AUTS2: variants seen among roughly 807,000 people sequenced by gnomAD.
AUTS2 encodes the protein autism susceptibility gene 2 protein.
AUTS2 carries 17 observed loss-of-function variants against 112.4 expected under a neutral mutation model. The observed-to-expected ratio is 0.15, with a 90% confidence interval of 0.10 to 0.23. The LOEUF (loss-of-function observed/expected upper bound fraction) is 0.23, where lower values mean the gene tolerates loss of function less well. Ranked by LOEUF, AUTS2 falls within the 10% of genes least tolerant of loss-of-function variation. The probability of loss-of-function intolerance (pLI) is 1.00; values close to 1 mark genes in which losing one functional copy is unlikely to be tolerated. For synonymous variants in AUTS2, 751 were observed against 702.7 expected, an observed-to-expected ratio of 1.07 and a Z score of -1.09; for missense variants, 1,510 against 1,701.6, an observed-to-expected ratio of 0.89 and a Z score of 1.98.
At chr7:70,103,423 G>C (rs929296460) in intron 2 of AUTS2, among the ~76,000 whole-genome samples, 1 of 151,944 alleles carries the variant, frequency 6.6e-6, no homozygotes, top group Non-Finnish European at 1.5e-5. Context: ...CTCAAGGGCA[G>C]TAAATAGAAT....
At chr7:69,980,832 T>G (rs6975213) in intron 2 of AUTS2, among the ~76,000 whole-genome samples, 12,971 of 152,226 alleles carry the variant, frequency 0.085, 645 homozygotes, top group East Asian at 0.13. Flanking sequence ...CCCAGGAGTT[T>G]ACAATGTGCA....
At chr7:70,259,013 A>G (rs1209180050) in intron 4 of AUTS2, among the ~76,000 whole-genome samples, 3 of 152,158 alleles carry the variant, frequency 2.0e-5, no homozygotes, top group Non-Finnish European at 2.9e-5. Context: ...CTCATGAATT[A>G]TGTGGTGCCC....
intron 1 of AUTS2, among the ~76,000 whole-genome samples, chr7:69,836,293 G>C (rs1253705359): frequency 6.6e-6 from 1 of 152,162 alleles, no homozygotes; most frequent in Non-Finnish European, 1.5e-5. Context: ...TGTCAAATAG[G>C]AATTGCCCTC....
At chr7:69,673,973 T>G (rs1796447736) in intron 1 of AUTS2, among the ~76,000 whole-genome samples, 1 of 152,262 alleles carries the variant, frequency 6.6e-6, no homozygotes, top group South Asian at 2.1e-4. Flanking sequence ...TTTCTAAATA[T>G]GTAATCTTTT....
At chr7:69,961,221 A>G (rs149937515) in intron 2 of AUTS2, among the ~76,000 whole-genome samples, 1,642 of 152,254 alleles carry the variant, frequency 0.011, 12 homozygotes, top group Admixed American at 0.017. Context: ...GGTAAGGATC[A>G]GATCTGTTGG....
intron 16 of AUTS2, chr7:70,785,579 A>G (rs1791395211): frequency 4.7e-5 from 21 of 447,538 alleles, no homozygotes; most frequent in South Asian, 3.5e-4. Flanking sequence ...GCACGCCCTC[A>G]GAGTTTCATC....
rs1583991861 is a variant in AUTS2, at chr7:69,641,433, A to C, written c.309+41471A>C. ...TGCTTACACCTGTGTCATAGGCCTTATCATAATCTGCTTTGTATGTGAATT... is the reference window on the plus strand; with the variant it reads ...TGCTTACACCTGTGTCATAGGCCTTCTCATAATCTGCTTTGTATGTGAATT... On this transcript the variant is annotated intron_variant, in intron 1 of 18. Transcript: ENST00000342771. 2.7e-5 allele frequency among the ~76,000 whole-genome samples: 4 copies of C among 150,414 alleles called. No homozygotes were observed. The South Asian group carries it at 8.3e-4, about 31-fold the overall frequency.
chr7:69,716,954 T>C (rs994805727), intron 1 of AUTS2, among the ~76,000 whole-genome samples: 22 of 152,182 alleles, frequency 1.4e-4, no homozygotes, highest in Non-Finnish European at 4.4e-5. Context: ...CTTCTATGCC[T>C]TCCGTGGACT....
At chr7:70,047,242 TA>T (rs1252073451) in intron 2 of AUTS2, among the ~76,000 whole-genome samples, 2 of 152,230 alleles carry the variant, frequency 1.3e-5, no homozygotes, top group Non-Finnish European at 2.9e-5. Context: ...TTTATAATTT[TA>T]ATTGCAGGAC....
At chr7:70,503,437 G>A (rs1798842258) in intron 5 of AUTS2, among the ~76,000 whole-genome samples, 1 of 151,122 alleles carries the variant, frequency 6.6e-6, no homozygotes, top group South Asian at 2.1e-4. Flanking sequence ...CCAGTGGTTT[G>A]TACCTGTAAT....
At chr7:70,260,993 C>T (rs528637506) in intron 4 of AUTS2, among the ~76,000 whole-genome samples, 26 of 152,176 alleles carry the variant, frequency 1.7e-4, no homozygotes, top group South Asian at 4.2e-4. Flanking sequence ...GTGATCCACC[C>T]GCCTCGGGCT....
chr7:70,624,645 C>T (rs1157998477), intron 5 of AUTS2, among the ~76,000 whole-genome samples: 1 of 152,094 alleles, frequency 6.6e-6, no homozygotes, highest in Non-Finnish European at 1.5e-5. Context: ...TTCATACCCT[C>T]CTGAGTATCT....
chr7:70,164,854 T>TA lies in AUTS2; in HGVS notation c.660+30293dup, dbSNP rs59658520. ...ATGACATAGACACACTCACGTAAGA[T>TA]AAAAAAAAAAGGTGACTGTTCAAGA... On this transcript the variant is annotated intron_variant, in intron 4 of 18. Coordinates refer to ENST00000342771, the MANE Select transcript of AUTS2 (RefSeq NM_015570.4). 7.9e-3 allele frequency among the ~76,000 whole-genome samples: 1,136 copies of TA among 144,410 alleles called. 5 individuals carry two copies. The highest frequency in any genetic ancestry group is 8.9e-3 in the African/African-American group (352 of 39,550). The allele number at this position is 144,410 out of a possible 152,430, so 94.7% of individuals were successfully genotyped here.
In AUTS2 at chr7:69,689,570, G is replaced by T. The variant is rs190032742; in HGVS notation, c.309+89608G>T. Among the ~76,000 whole-genome samples the T allele has an allele frequency of 8.2e-3, 1,235 of 150,794 alleles. 3 individuals carry two copies. Among genetic ancestry groups the T allele is most frequent in the Non-Finnish European group, 0.012 (831 of 67,686 alleles). ...TTGGCCAGGCTGGTCTTGAACTCCT[G>T]ACCTCGTGATCTGCCTGCCTTGGCC... On this transcript the variant is annotated intron_variant, in intron 1 of 18. Coordinates refer to ENST00000342771, the MANE Select transcript of AUTS2 (RefSeq NM_015570.4).
At chr7:70,564,528 A>G (rs996027922) in intron 5 of AUTS2, among the ~76,000 whole-genome samples, 9 of 152,206 alleles carry the variant, frequency 5.9e-5, no homozygotes, top group Admixed American at 3.9e-4. Context: ...AGGTGGTTTC[A>G]TTTCAAGCTT....
chr7:70,688,256 T>C (rs1439749482), intron 5 of AUTS2, among the ~76,000 whole-genome samples: 1 of 152,180 alleles, frequency 6.6e-6, no homozygotes, highest in East Asian at 1.9e-4. Flanking sequence ...GAGCAAGGCC[T>C]CCTAACTCTG....
intron 2 of AUTS2, among the ~76,000 whole-genome samples, chr7:70,025,162 C>G (rs907780637): frequency 5.9e-5 from 9 of 152,130 alleles, no homozygotes; most frequent in African/African-American, 2.2e-4. Context: ...TGTGCTGAGT[C>G]TTGTATTTGA....
chr7:69,981,420 A>G (rs1798289360), intron 2 of AUTS2, among the ~76,000 whole-genome samples: 1 of 152,246 alleles, frequency 6.6e-6, no homozygotes, highest in Admixed American at 6.5e-5. Context: ...ATAAGTGAAT[A>G]TGTAACTGTA....
At chr7:70,561,284 G>T (rs145787153) in intron 5 of AUTS2, among the ~76,000 whole-genome samples, 4 of 152,248 alleles carry the variant, frequency 2.6e-5, no homozygotes, top group African/African-American at 9.6e-5. Flanking sequence ...TGTACCAGTC[G>T]AGATGCTTTT....
Sources: allele counts gnomAD v4.1 joint callset (sites outside exome capture counted in the v4.1 genomes callset), GRCh38; gene constraint gnomAD v4.1.1; transcripts MANE v1.5; gene names NCBI Gene and HGNC (gene_info 2026-07-23, HGNC 2026-07-21).